The following GALNT17 variants were observed in gnomAD, a reference collection of about 807,000 sequenced individuals.
GALNT17 encodes polypeptide N-acetylgalactosaminyltransferase 17.
Under a neutral mutation model 63.7 loss-of-function variants are expected in GALNT17, and 29 were observed. That is an observed-to-expected ratio of 0.46 (90% CI 0.34 to 0.62). The LOEUF (loss-of-function observed/expected upper bound fraction) is 0.62. Among genes scored for constraint, GALNT17 ranks in the 20% least tolerant of loss-of-function variants. GALNT17 has a pLI of 0.01. For synonymous variants in GALNT17, 305 were observed against 318.3 expected (o/e 0.96, Z 0.45); for missense variants, 603 against 799.6 (o/e 0.75, Z 2.97).
intron 1 of GALNT17, among the ~76,000 whole-genome samples, chr7:71,172,004 A>G (rs1382577768): frequency 6.6e-6 from 1 of 152,184 alleles, no homozygotes; most frequent in Non-Finnish European, 1.5e-5. Context: ...AATTCTTTTC[A>G]GCTCTTGGGT....
intron 1 of GALNT17, among the ~76,000 whole-genome samples, chr7:71,169,890 C>G (rs1788513278): frequency 6.6e-6 from 1 of 152,052 alleles, no homozygotes; most frequent in Non-Finnish European, 1.5e-5. Flanking sequence ...TTGCCCTACA[C>G]TTTTTGTATG....
At chr7:71,708,772 C>T (rs1041949157) in intron 9 of GALNT17, among the ~76,000 whole-genome samples, 1 of 152,072 alleles carries the variant, frequency 6.6e-6, no homozygotes, top group African/African-American at 2.4e-5. Flanking sequence ...CCATGAGTAC[C>T]CAATATTTAG....
At chr7:71,358,052 C>T (rs1424869022) in intron 2 of GALNT17, among the ~76,000 whole-genome samples, 2 of 152,222 alleles carry the variant, frequency 1.3e-5, no homozygotes, top group African/African-American at 2.4e-5. Context: ...CCCTTCCATG[C>T]TGTGGAAGGT....
chr7:71,313,142 C>T (rs11763372), intron 1 of GALNT17, among the ~76,000 whole-genome samples: 68,466 of 152,002 alleles, frequency 0.45, 16,207 homozygotes, highest in African/African-American at 0.59. Context: ...CAGAGTCCAC[C>T]CTATAGAGAA....
intron 5 of GALNT17, among the ~76,000 whole-genome samples, chr7:71,456,368 C>T (rs1163388675): frequency 6.6e-6 from 1 of 151,950 alleles, no homozygotes; most frequent in Non-Finnish European, 1.5e-5. Flanking sequence ...TATTATAAGG[C>T]CTGGGAAGGA....
intron 1 of GALNT17, among the ~76,000 whole-genome samples, chr7:71,173,233 G>A (rs555023848): frequency 2.2e-4 from 34 of 152,228 alleles, no homozygotes; most frequent in African/African-American, 6.5e-4. Context: ...CTCAGGGACC[G>A]TCAGGGTTTG....
At chr7:71,648,204 A>G (rs572012796) in intron 6 of GALNT17, among the ~76,000 whole-genome samples, 1 of 152,056 alleles carries the variant, frequency 6.6e-6, no homozygotes, top group Non-Finnish European at 1.5e-5. Context: ...CATGTTAATG[A>G]GTGTTCCATA....
intron 6 of GALNT17, among the ~76,000 whole-genome samples, chr7:71,621,776 C>T (rs1363855484): frequency 1.3e-5 from 2 of 152,146 alleles, no homozygotes; most frequent in Non-Finnish European, 1.5e-5. Flanking sequence ...TTGATGCACC[C>T]TTTAATTCTT....
At chr7:71,589,883 A>G (rs549822602) in intron 6 of GALNT17, among the ~76,000 whole-genome samples, 1 of 152,314 alleles carries the variant, frequency 6.6e-6, no homozygotes, top group Admixed American at 6.5e-5. Flanking sequence ...CACCATCTGG[A>G]TAACTGTGAC....
At chr7:71,498,012 C>A (rs1469311430) in intron 5 of GALNT17, among the ~76,000 whole-genome samples, 1 of 152,158 alleles carries the variant, frequency 6.6e-6, no homozygotes, top group African/African-American at 2.4e-5. Context: ...TATGCACATG[C>A]GTGTGGGATC....
chr7:71,242,242 TTC>T (rs1491027761), intron 1 of GALNT17, among the ~76,000 whole-genome samples: 355 of 145,310 alleles, frequency 2.4e-3, no homozygotes, highest in Middle Eastern at 6.9e-3. Context: ...GGGATCACAT[TTC>T]TTTTTTTTTT....
chr7:71,705,486 A>G (rs751426155), intron 9 of GALNT17, among the ~76,000 whole-genome samples: 1 of 152,200 alleles, frequency 6.6e-6, no homozygotes. Flanking sequence ...TAGAGTTACC[A>G]TATGGCCCAA....
At chr7:71,310,886 A>C (rs7792219) in intron 1 of GALNT17, among the ~76,000 whole-genome samples, 68,491 of 152,002 alleles carry the variant, frequency 0.45, 16,219 homozygotes, top group African/African-American at 0.59. Flanking sequence ...GGAGGAAGGG[A>C]TCTCAGGAAG....
At chr7:71,287,529 A>G (rs1353339118) in intron 1 of GALNT17, among the ~76,000 whole-genome samples, 3 of 152,120 alleles carry the variant, frequency 2.0e-5, no homozygotes, top group Admixed American at 6.6e-5. Flanking sequence ...TCTGTTATCC[A>G]TTTATAGTTA....
At chr7:71,652,622 G>A (rs1159329447) in intron 6 of GALNT17, among the ~76,000 whole-genome samples, 2 of 152,172 alleles carry the variant, frequency 1.3e-5, no homozygotes, top group Admixed American at 6.5e-5. Context: ...CAGACAAAGG[G>A]CTAAAATTTG....
chr7:71,700,522 A>C (rs1470433141), intron 9 of GALNT17, among the ~76,000 whole-genome samples: 1 of 151,520 alleles, frequency 6.6e-6, no homozygotes, highest in African/African-American at 2.4e-5. Context: ...AGCTTGATGG[A>C]CTCCATCTAG....
chr7:71,575,456 C>G (rs1397362365), intron 6 of GALNT17, among the ~76,000 whole-genome samples: 1 of 150,474 alleles, frequency 6.6e-6, no homozygotes, highest in Non-Finnish European at 1.5e-5. Context: ...GTGACGCGAT[C>G]TTGGCTCACT....
At chr7:71,623,655 C>T (rs545955974) in intron 6 of GALNT17, among the ~76,000 whole-genome samples, 2 of 152,226 alleles carry the variant, frequency 1.3e-5, no homozygotes, top group African/African-American at 4.8e-5. Flanking sequence ...AGGCTGGTCT[C>T]AAACTCCTGA....
chr7:71,671,011 C>A (rs1345563156), intron 8 of GALNT17, among the ~76,000 whole-genome samples: 2 of 151,954 alleles, frequency 1.3e-5, no homozygotes, highest in Non-Finnish European at 2.9e-5. Context: ...AAATTTTACT[C>A]AATAATATGG....
Sources: gnomAD v4.1 joint callset for allele counts (sites outside exome capture counted in the v4.1 genomes callset) on GRCh38, gnomAD v4.1.1 for gene constraint, MANE v1.5 for transcripts, NCBI Gene and HGNC (gene_info 2026-07-23, HGNC 2026-07-21) for gene names.